The following VGLL4 variants were observed in gnomAD, a reference collection of about 807,000 sequenced individuals.
The protein encoded by VGLL4 is vestigial like family member 4.
In VGLL4, 7 loss-of-function variants were observed where a neutral mutation model predicts 21.0. The ratio of observed to expected loss-of-function variants is 0.33; its 90% CI spans 0.19 to 0.63. The LOEUF (loss-of-function observed/expected upper bound fraction) is 0.63, where lower values mean the gene tolerates loss of function less well. VGLL4 is among the 20% of genes least tolerant of loss of function. The probability of loss-of-function intolerance (pLI) is 0.78; values close to 1 mark genes in which losing one functional copy is unlikely to be tolerated. For missense variants in VGLL4, 394 were observed against 425.7 expected (o/e 0.93, Z 0.66); for synonymous variants, 222 against 173.2 (o/e 1.28, Z -2.21).
At chr3:11,566,561 T>C (rs1420010220) in intron 2 of VGLL4, among the ~76,000 whole-genome samples, 1 of 152,200 alleles carries the variant, frequency 6.6e-6, no homozygotes, top group Non-Finnish European at 1.5e-5. Context: ...TCCTCATCTC[T>C]GGCTTCACGC....
At chr3:11,686,085 T>C (rs796620177) in intron 2 of VGLL4, among the ~76,000 whole-genome samples, 3 of 152,152 alleles carry the variant, frequency 2.0e-5, no homozygotes, top group African/African-American at 2.4e-5. Flanking sequence ...TGTATGGGAA[T>C]GTAAAATGGT....
intron 2 of VGLL4, among the ~76,000 whole-genome samples, chr3:11,585,112 C>T (rs779321170): frequency 2.6e-5 from 4 of 152,182 alleles, no homozygotes; most frequent in Non-Finnish European, 5.9e-5. Flanking sequence ...CCCCAACACA[C>T]ACTTAAATGC....
chr3:11,616,489 C>T (rs1408200234), intron 1 of VGLL4, among the ~76,000 whole-genome samples: 1 of 152,224 alleles, frequency 6.6e-6, no homozygotes, highest in African/African-American at 2.4e-5. Context: ...CAGGGATAAG[C>T]CCTGTCCTTG....
chr3:11,613,339 T>C (rs969458512), intron 1 of VGLL4, among the ~76,000 whole-genome samples: 2 of 151,952 alleles, frequency 1.3e-5, no homozygotes, highest in Non-Finnish European at 2.9e-5. Flanking sequence ...GGCCCTGAGA[T>C]GGTTGAGTCC....
intron 2 of VGLL4, among the ~76,000 whole-genome samples, chr3:11,580,033 T>C (rs1248997687): frequency 1.3e-5 from 2 of 152,200 alleles, no homozygotes; most frequent in African/African-American, 4.8e-5. Flanking sequence ...TTTTTTACTA[T>C]GGTAAAGTAC....
chr3:11,560,788 G>A (rs575175620), intron 3 of VGLL4, among the ~76,000 whole-genome samples: 11 of 152,244 alleles, frequency 7.2e-5, no homozygotes, highest in Admixed American at 2.0e-4. Context: ...GGGTTCGTAC[G>A]GCCTCCATGG....
At chr3:11,662,333 G>A (rs757816837) in intron 2 of VGLL4, among the ~76,000 whole-genome samples, 1 of 152,076 alleles carries the variant, frequency 6.6e-6, no homozygotes, top group Non-Finnish European at 1.5e-5. Flanking sequence ...TCCATTACTG[G>A]CAATTGAAAG....
At chr3:11,627,230 A>ACACACACACACTCTCTCT (rs1491347863) in intron 1 of VGLL4, 3 of 123,320 alleles carry the variant, frequency 2.4e-5, no homozygotes, top group African/African-American at 9.8e-5. Context: ...ACACACACAC[A>ACACACACACACTCTCTCT]CTCTCTCTCT....
intron 1 of VGLL4, among the ~76,000 whole-genome samples, chr3:11,623,017 T>C (rs1389629557): frequency 6.6e-6 from 1 of 152,204 alleles, no homozygotes; most frequent in African/African-American, 2.4e-5. Flanking sequence ...GGTAGCAACC[T>C]TTCTTGCCAA....
intron 2 of VGLL4, among the ~76,000 whole-genome samples, chr3:11,571,586 G>C (rs1467833035): frequency 1.3e-5 from 2 of 151,932 alleles, no homozygotes; most frequent in Non-Finnish European, 2.9e-5. Context: ...AGGATGGCTG[G>C]AGCCCAGTAA....
In VGLL4 at chr3:11,679,477, G is replaced by C. The variant is rs188792647; in HGVS notation, c.64+23494C>G. 6.5e-3 allele frequency among the ~76,000 whole-genome samples: 988 copies of C among 152,290 alleles called. 4 individuals carry two copies. Among genetic ancestry groups the C allele is most frequent in the Non-Finnish European group, 0.011 (751 of 68,028 alleles). On this transcript the variant is annotated intron_variant, in intron 2 of 5. Coordinates refer to the VGLL4 transcript ENST00000273038. Reference sequence around the variant, plus strand: ...AGGCGGGCGGATCATGAGGTCAGGAGATCGAGACGAGCCTGGCCAGCATGG... The same window carrying C: ...AGGCGGGCGGATCATGAGGTCAGGACATCGAGACGAGCCTGGCCAGCATGG...
At chr3:11,645,507 G>T (rs1243665009), upstream of VGLL4, among the ~76,000 whole-genome samples, 2 of 105,136 alleles carry the variant, frequency 1.9e-5, no homozygotes, top group African/African-American at 3.7e-5. Flanking sequence ...GGAGAATGGC[G>T]TGAACCCGGG....
intron 2 of VGLL4, among the ~76,000 whole-genome samples, chr3:11,665,610 C>A (rs1182222071): frequency 6.6e-6 from 1 of 152,248 alleles, no homozygotes; most frequent in Non-Finnish European, 1.5e-5. Flanking sequence ...GCAAAGGAAG[C>A]CAAGTCCTGA....
rs994757911 is a variant in VGLL4, at chr3:11,628,745, G to A, written c.82+14692C>T. 9.9e-5 allele frequency among the ~76,000 whole-genome samples: 15 copies of A among 152,190 alleles called. No homozygotes were observed. The South Asian group carries it at 1.2e-3, about 13-fold the overall frequency. ...TGAGGCAGAAGAATGGTGTGAACACGGGAGGCAGAGCTTGCAGTGAGCAGA... is the reference window on the plus strand; with the variant it reads ...TGAGGCAGAAGAATGGTGTGAACACAGGAGGCAGAGCTTGCAGTGAGCAGA... On this transcript the variant is annotated intron_variant, in intron 1 of 4. Transcript: ENST00000430365.
At chr3:11,674,808 G>A (rs960439630) in intron 2 of VGLL4, among the ~76,000 whole-genome samples, 1 of 152,088 alleles carries the variant, frequency 6.6e-6, no homozygotes, top group African/African-American at 2.4e-5. Flanking sequence ...AAAAGGAAGG[G>A]GAGAAATATA....
intron 2 of VGLL4, among the ~76,000 whole-genome samples, chr3:11,584,679 C>A (rs1194537589): frequency 2.6e-5 from 4 of 151,868 alleles, no homozygotes; most frequent in Non-Finnish European, 5.9e-5. Context: ...TTAAAAAGTT[C>A]TTTTGGTTAC....
intron 2 of VGLL4, among the ~76,000 whole-genome samples, chr3:11,589,977 T>G (rs549276060): frequency 1.7e-4 from 26 of 152,248 alleles, no homozygotes; most frequent in Non-Finnish European, 3.2e-4. Context: ...CCATAACAGA[T>G]TCAATGGCCA....
At chr3:11,582,613 G>A (rs780863692) in intron 2 of VGLL4, among the ~76,000 whole-genome samples, 2 of 152,214 alleles carry the variant, frequency 1.3e-5, no homozygotes, top group South Asian at 2.1e-4. Context: ...ATTACAGCAC[G>A]CGATTTCCTC....
chr3:11,673,231 T>C (rs1362772792), intron 2 of VGLL4, among the ~76,000 whole-genome samples: 1 of 151,974 alleles, frequency 6.6e-6, no homozygotes, highest in Non-Finnish European at 1.5e-5. Flanking sequence ...ACAGAGACTA[T>C]ACAAGAAGAA....
Sources: allele counts gnomAD v4.1 joint callset (sites outside exome capture counted in the v4.1 genomes callset), GRCh38; gene constraint gnomAD v4.1.1; transcripts MANE v1.5; gene names NCBI Gene and HGNC (gene_info 2026-07-23, HGNC 2026-07-21).